RNF121: variants seen among roughly 807,000 people sequenced by gnomAD.
The protein encoded by RNF121 is ring finger protein 121.
A neutral mutation model predicts 46.5 loss-of-function variants in RNF121; 21 were observed. That is an observed-to-expected ratio of 0.45 (90% CI 0.32 to 0.65). RNF121 has a LOEUF of 0.65. Ranked by LOEUF, RNF121 falls within the 30% of genes least tolerant of loss-of-function variation. RNF121 has a pLI of 0.04. For synonymous variants in RNF121, 139 were observed against 144.7 expected (o/e 0.96, Z 0.28); for missense variants, 346 against 416.0 (o/e 0.83, Z 1.46).
chr11:71,974,086 T>C (rs1009705587), intron 3 of RNF121, among the ~76,000 whole-genome samples: 1 of 151,972 alleles, frequency 6.6e-6, no homozygotes, highest in African/African-American at 2.4e-5. Flanking sequence ...GGACTACAGG[T>C]GCCTGCCATC....
chr11:71,930,538 C>G, intron 1 of RNF121, among the ~76,000 whole-genome samples: 1 of 50,350 alleles, frequency 2.0e-5, no homozygotes, highest in Non-Finnish European at 1.3e-4. Context: ...ACCTCCCAAT[C>G]ACTAGAGACT....
intron 1 of RNF121, among the ~76,000 whole-genome samples, chr11:71,935,134 T>G (rs1953377091): frequency 6.6e-6 from 1 of 152,100 alleles, no homozygotes; most frequent in Non-Finnish European, 1.5e-5. Context: ...AGTTTCACCA[T>G]GTTGCTCAGA....
chr11:71,968,430 G>C (rs1442903311), intron 3 of RNF121, among the ~76,000 whole-genome samples: 1 of 152,162 alleles, frequency 6.6e-6, no homozygotes, highest in East Asian at 1.9e-4. Flanking sequence ...CCATCTTGCT[G>C]TTCCTGATTT....
intron 3 of RNF121, among the ~76,000 whole-genome samples, chr11:71,964,757 G>C (rs1008057420): frequency 6.6e-6 from 1 of 152,166 alleles, no homozygotes; most frequent in Non-Finnish European, 1.5e-5. Context: ...GGGATTACAG[G>C]CGTGAGCCAC....
intron 1 of RNF121, among the ~76,000 whole-genome samples, chr11:71,949,696 T>C (rs191078568): frequency 1.9e-3 from 291 of 151,946 alleles, no homozygotes; most frequent in Admixed American, 6.2e-3. Flanking sequence ...TAAGACTCCA[T>C]CTCAAAACAC....
At chr11:71,990,068 A>C (rs1954837129) in intron 5 of RNF121, among the ~76,000 whole-genome samples, 2 of 152,332 alleles carry the variant, frequency 1.3e-5, no homozygotes, top group East Asian at 3.9e-4. Context: ...TCATAAGCTG[A>C]GACAATCTCA....
chr11:71,968,241 G>A (rs1954332318), intron 3 of RNF121, among the ~76,000 whole-genome samples: 1 of 151,780 alleles, frequency 6.6e-6, no homozygotes, highest in African/African-American at 2.4e-5. Flanking sequence ...TTGTATTTTA[G>A]TAGAGAAGGG....
intron 3 of RNF121, among the ~76,000 whole-genome samples, chr11:71,978,553 A>T (rs7113436): frequency 0.92 from 140,304 of 152,324 alleles, 64,912 homozygotes; most frequent in Non-Finnish European, 0.98. Flanking sequence ...TGTGTGACTT[A>T]ATGCATTTTT....
At chr11:71,977,958 TTG>T (rs1334414907) in intron 3 of RNF121, 3 of 269,348 alleles carry the variant, frequency 1.1e-5, no homozygotes, top group African/African-American at 7.0e-5. Flanking sequence ...GGCCCTGCAA[TTG>T]TTCTGCATAA....
At chr11:71,946,168 A>G (rs1443668701) in intron 1 of RNF121, among the ~76,000 whole-genome samples, 2 of 152,168 alleles carry the variant, frequency 1.3e-5, no homozygotes, top group Non-Finnish European at 2.9e-5. Flanking sequence ...ATACACAAAT[A>G]TTGATAGGAA....
intron 6 of RNF121, 72 bp from the exon 7 acceptor site, chr11:71,994,647 C>G: frequency 6.3e-7 from 1 of 1,591,120 alleles, no homozygotes; most frequent in South Asian, 1.1e-5. Context: ...GGCCTGAGGT[C>G]TCTGTGGAGC....
At position 71,996,551 on chromosome 11, in the gene RNF121, C is replaced by T. The variant is rs1399955485; in HGVS notation, c.*236C>T. The T allele has an allele frequency of 2.3e-6, 1 of 443,810 alleles. No individual in the cohort carries two copies. The highest frequency in any genetic ancestry group is 2.0e-5 in the African/African-American group (1 of 50,204). The allele number at this position is 443,810 out of a possible 1,614,324, so 27.5% of individuals were successfully genotyped here. ...ATTTTGATGAATATATTTAAAAAAC[C>T]TTTTTTTATTGTGGAGCATAGGAAT... On this transcript the variant is annotated 3_prime_UTR_variant, in exon 9 of 9. Coordinates refer to ENST00000361756, the MANE Select transcript of RNF121 (RefSeq NM_018320.5).
At chr11:71,981,362 T>C (rs1233714955) in intron 3 of RNF121, among the ~76,000 whole-genome samples, 1 of 152,222 alleles carries the variant, frequency 6.6e-6, no homozygotes, top group Non-Finnish European at 1.5e-5. Flanking sequence ...GTAAATACTT[T>C]CTTAGTTTGC....
At chr11:71,991,728 G>C (rs544893219) in intron 6 of RNF121, among the ~76,000 whole-genome samples, 1 of 152,262 alleles carries the variant, frequency 6.6e-6, no homozygotes, top group Non-Finnish European at 1.5e-5. Flanking sequence ...GAGGAACTAA[G>C]ACCATTGCGG....
At chr11:71,977,511 C>T (rs1392092350) in intron 3 of RNF121, among the ~76,000 whole-genome samples, 2 of 152,202 alleles carry the variant, frequency 1.3e-5, no homozygotes, top group Admixed American at 6.5e-5. Context: ...CATCTAACAT[C>T]GTCATCTCAA....
At chr11:71,970,214 T>C (rs1045472934) in intron 3 of RNF121, among the ~76,000 whole-genome samples, 19 of 151,618 alleles carry the variant, frequency 1.3e-4, no homozygotes, top group Admixed American at 1.2e-3. Flanking sequence ...GGCTAGGGAG[T>C]AGGGGGAATT....
chr11:71,944,226 G>A (rs981427423), intron 1 of RNF121, among the ~76,000 whole-genome samples: 1 of 152,088 alleles, frequency 6.6e-6, no homozygotes, highest in African/African-American at 2.4e-5. Flanking sequence ...CCAGCCACTC[G>A]GGAGACTGAG....
chr11:71,994,049 T>C (rs910132472), intron 6 of RNF121, among the ~76,000 whole-genome samples: 2 of 152,054 alleles, frequency 1.3e-5, no homozygotes, highest in African/African-American at 4.8e-5. Context: ...ACTGTGTTAG[T>C]TAGGATGCTC....
intron 3 of RNF121, among the ~76,000 whole-genome samples, chr11:71,972,319 G>A (rs1178018365): frequency 6.6e-6 from 1 of 152,214 alleles, no homozygotes; most frequent in Non-Finnish European, 1.5e-5. Flanking sequence ...TGGGATTGTT[G>A]TTGAGTAGTA....
Sources: allele counts gnomAD v4.1 joint callset (sites outside exome capture counted in the v4.1 genomes callset), GRCh38; gene constraint gnomAD v4.1.1; transcripts MANE v1.5; gene names NCBI Gene and HGNC (gene_info 2026-07-23, HGNC 2026-07-21).